The following PAK5 variants were observed in gnomAD, a reference collection of about 807,000 sequenced individuals.
The protein encoded by PAK5 is serine/threonine-protein kinase PAK 5.
A neutral mutation model predicts 65.9 loss-of-function variants in PAK5; 16 were observed. The observed-to-expected ratio is 0.24, with a 90% confidence interval of 0.16 to 0.37. PAK5 has a LOEUF of 0.37. Ranked by LOEUF, PAK5 falls within the 10% of genes least tolerant of loss-of-function variation. PAK5 has a pLI of 1.00. For synonymous variants in PAK5, 371 were observed against 354.9 expected, an observed-to-expected ratio of 1.05 and a Z score of -0.51; for missense variants, 785 against 903.9, an observed-to-expected ratio of 0.87 and a Z score of 1.69.
chr20:9,660,321 A>G (rs754832970), intron 2 of PAK5, among the ~76,000 whole-genome samples: 2 of 151,690 alleles, frequency 1.3e-5, no homozygotes, highest in Non-Finnish European at 2.9e-5. Context: ...TGGTAGATTA[A>G]GATTATTTTA....
intron 1 of PAK5, among the ~76,000 whole-genome samples, chr20:9,734,538 A>C (rs902386764): frequency 6.9e-6 from 1 of 145,124 alleles, no homozygotes; most frequent in Non-Finnish European, 1.5e-5. Flanking sequence ...ACTGATAGAC[A>C]CACACGCGCA....
chr20:9,617,470 A>T, intron 3 of PAK5, among the ~76,000 whole-genome samples: 1 of 151,052 alleles, frequency 6.6e-6, no homozygotes, highest in East Asian at 1.9e-4. Context: ...TAAGCGCTTA[A>T]TTGCTTAATT....
intron 2 of PAK5, among the ~76,000 whole-genome samples, chr20:9,645,402 C>T (rs1024759651): frequency 1.3e-5 from 2 of 152,154 alleles, no homozygotes; most frequent in Non-Finnish European, 2.9e-5. Context: ...CACTGTGATC[C>T]CAGATAATTG....
intron 3 of PAK5, among the ~76,000 whole-genome samples, chr20:9,643,900 G>T (rs926004211): frequency 7.2e-5 from 11 of 152,168 alleles, no homozygotes; most frequent in African/African-American, 2.4e-4. Flanking sequence ...TGTTTTATGT[G>T]TCTGATTATT....
chr20:9,603,372 C>A (rs2046394013), intron 3 of PAK5, among the ~76,000 whole-genome samples: 2 of 152,286 alleles, frequency 1.3e-5, no homozygotes, highest in Admixed American at 6.5e-5. Flanking sequence ...CTGTTTTCTT[C>A]TTCCCGCTTC....
At chr20:9,597,747 AC>A (rs1362967199) in intron 3 of PAK5, among the ~76,000 whole-genome samples, 1 of 152,156 alleles carries the variant, frequency 6.6e-6, no homozygotes, top group Non-Finnish European at 1.5e-5. Context: ...CTGCCTGGTT[AC>A]CATGTGTACA....
chr20:9,587,364 A>G (rs932389053), intron 3 of PAK5, among the ~76,000 whole-genome samples: 2 of 152,224 alleles, frequency 1.3e-5, no homozygotes, highest in African/African-American at 2.4e-5. Context: ...CAATTGTTAC[A>G]TAAATATTCC....
chr20:9,773,024 A>G (rs942183040), intron 1 of PAK5, among the ~76,000 whole-genome samples: 1 of 152,212 alleles, frequency 6.6e-6, no homozygotes, highest in Non-Finnish European at 1.5e-5. Context: ...CCTCATGATG[A>G]GAAGTCAAAC....
chr20:9,620,303 T>C (rs1028089656), intron 3 of PAK5, among the ~76,000 whole-genome samples: 2 of 152,232 alleles, frequency 1.3e-5, no homozygotes, highest in Non-Finnish European at 2.9e-5. Context: ...GGCTGGCATT[T>C]GTTGAAACAA....
chr20:9,816,571 C>T (rs2049359699), intron 1 of PAK5, among the ~76,000 whole-genome samples: 1 of 152,140 alleles, frequency 6.6e-6, no homozygotes, highest in Non-Finnish European at 1.5e-5. Flanking sequence ...CTCTGCTTAA[C>T]TGCTTGAGCT....
At chr20:9,728,203 C>T (rs756004632) in intron 1 of PAK5, among the ~76,000 whole-genome samples, 60 of 152,038 alleles carry the variant, frequency 3.9e-4, no homozygotes, top group African/African-American at 1.1e-3. Flanking sequence ...ATGAAGACAC[C>T]GAGATGGTGC....
intron 3 of PAK5, among the ~76,000 whole-genome samples, chr20:9,626,336 C>G (rs953646284): frequency 6.6e-6 from 1 of 152,166 alleles, no homozygotes; most frequent in African/African-American, 2.4e-5. Flanking sequence ...AAACCATATG[C>G]CAAGGTACCC....
At chr20:9,710,999 T>C (rs188280705) in intron 2 of PAK5, among the ~76,000 whole-genome samples, 1 of 152,300 alleles carries the variant, frequency 6.6e-6, no homozygotes, top group African/African-American at 2.4e-5. Flanking sequence ...ACTAAAGTAG[T>C]CCCTCATCCC....
chr20:9,656,912 T>C (rs1353016736), intron 2 of PAK5, among the ~76,000 whole-genome samples: 2 of 152,204 alleles, frequency 1.3e-5, no homozygotes, highest in Non-Finnish European at 2.9e-5. Flanking sequence ...ATAATGTTTT[T>C]AAAAGTACAC....
chr20:9,710,349 T>C (rs1266442041), intron 2 of PAK5, among the ~76,000 whole-genome samples: 1 of 152,198 alleles, frequency 6.6e-6, no homozygotes, highest in East Asian at 1.9e-4. Context: ...ACCCTCTAAG[T>C]TTCAGAAGCA....
chr20:9,837,995 G>T (rs1600430912), intron 1 of PAK5, among the ~76,000 whole-genome samples: 2 of 152,110 alleles, frequency 1.3e-5, no homozygotes, highest in Non-Finnish European at 2.9e-5. Context: ...TTCAAGAAGG[G>T]CGATCGCGCT....
At chr20:9,788,422 G>A (rs1285061993) in intron 1 of PAK5, among the ~76,000 whole-genome samples, 6 of 151,950 alleles carry the variant, frequency 3.9e-5, no homozygotes, top group Non-Finnish European at 7.4e-5. Context: ...ATCCATCCCC[G>A]TTACCACCCA....
chr20:9,616,464 G>A (rs1294932379), intron 3 of PAK5, among the ~76,000 whole-genome samples: 2 of 152,214 alleles, frequency 1.3e-5, no homozygotes, highest in East Asian at 1.9e-4. Context: ...GGGAATCAGC[G>A]TTCTCTTCGG....
intron 1 of PAK5, among the ~76,000 whole-genome samples, chr20:9,750,771 A>G (rs1338252925): frequency 1.3e-5 from 2 of 152,270 alleles, no homozygotes; most frequent in Non-Finnish European, 1.5e-5. Flanking sequence ...ATTAAGGGCC[A>G]TGATCGCTTA....
Sources: gnomAD v4.1 joint callset for allele counts (sites outside exome capture counted in the v4.1 genomes callset) on GRCh38, gnomAD v4.1.1 for gene constraint, MANE v1.5 for transcripts, NCBI Gene and HGNC (gene_info 2026-07-23, HGNC 2026-07-21) for gene names.